Variants in KANK2 observed in about 807,000 individuals in gnomAD.
The protein encoded by KANK2 is KN motif and ankyrin repeat domain-containing protein 2.
In KANK2, 41 loss-of-function variants were observed where a neutral mutation model predicts 74.6. The observed-to-expected ratio is 0.55, with a 90% CI of 0.43 to 0.71. The LOEUF (loss-of-function observed/expected upper bound fraction) is 0.71. Among genes scored for constraint, KANK2 ranks in the 30% least tolerant of loss-of-function variants. The pLI is 0.00. For synonymous variants in KANK2, 537 were observed against 519.0 expected, an observed-to-expected ratio of 1.03 and a Z score of -0.47; for missense variants, 1,148 against 1,196.4, an observed-to-expected ratio of 0.96 and a Z score of 0.60.
chr19:11,192,428 A>ATTCTT, intron 4 of KANK2: 1 of 226,464 alleles, frequency 4.4e-6, no homozygotes, highest in Non-Finnish European at 8.1e-6. Context: ...GGACCTTGGC[A>ATTCTT]TTCTTTTTTT....
intron 2 of KANK2, chr19:11,194,796 CTGCCTGCTTG>C (rs2078969765): frequency 5.4e-6 from 2 of 367,132 alleles, no homozygotes; most frequent in Admixed American, 7.3e-5. Context: ...CCAAACCTCA[CTGCCTGCTTG>C]CACATCTGTC....
In KANK2 at chr19:11,194,971, G is replaced by A. The variant is rs533365993; in HGVS notation, c.-79-381C>T. The A allele has an allele frequency of 1.2e-3, 192 of 164,648 alleles. 1 individual carries two copies. The highest frequency in any genetic ancestry group is 4.3e-3 in the African/African-American group (183 of 42,252). 10.2% of individuals were successfully genotyped at this position (164,648 alleles called of 1,614,324 possible). ...CACACGGAAGGATGGGGGTTGAGGC[G>A]CTAAGGGGTTGGGGAAGAAGGGAAC... On this transcript the variant is annotated intron_variant, in intron 2 of 12. Coordinates refer to ENST00000586659, the MANE Select transcript of KANK2 (RefSeq NM_001136191.3).
At chr19:11,182,856 A>G (rs935650518) in intron 4 of KANK2, among the ~76,000 whole-genome samples, 32 of 148,736 alleles carry the variant, frequency 2.2e-4, no homozygotes, top group African/African-American at 7.5e-4. Context: ...AAAAAAAAAA[A>G]AAAAAAGTAA....
At chr19:11,175,859 G>T in intron 8 of KANK2, 43 bp downstream of exon 8, 3 of 1,483,466 alleles carry the variant, frequency 2.0e-6, no homozygotes, top group Non-Finnish European at 2.8e-6. Context: ...GTGGAGGTAG[G>T]GGTCCGGGGG....
chr19:11,191,935 T>G (rs1600824688), intron 4 of KANK2, among the ~76,000 whole-genome samples: 2 of 152,156 alleles, frequency 1.3e-5, no homozygotes, highest in East Asian at 3.9e-4. Context: ...GGTGCATGCC[T>G]GTAGACCCAG....
At chr19:11,177,421 C>T (rs769717247) in intron 6 of KANK2, among the ~76,000 whole-genome samples, 5 of 152,002 alleles carry the variant, frequency 3.3e-5, no homozygotes, top group Non-Finnish European at 5.9e-5. Flanking sequence ...ATGGTGTAAT[C>T]TCAGTTCACT....
intron 6 of KANK2, 61 bp downstream of exon 6, chr19:11,178,284 C>T (rs546081155): frequency 2.9e-4 from 379 of 1,312,960 alleles, no homozygotes; most frequent in African/African-American, 2.3e-3. Context: ...GGCTCTCGTG[C>T]GTGGATGAAT....
rs545852963 is a variant in KANK2 at position 11,166,719 on chromosome 19, G to A, written c.2503-108C>T. The A allele has an allele frequency of 3.0e-4, 306 of 1,016,302 alleles. 2 individuals carry two copies. The highest frequency in any genetic ancestry group is 2.7e-3 in the Middle Eastern group (13 of 4,904). The allele number at this position is 1,016,302 out of a possible 1,614,324, so 63.0% of individuals were successfully genotyped here. A position where few individuals can be genotyped will look rare whatever the true frequency, so the allele number is the denominator to read the frequency against. The stretch of plus-strand genomic sequence containing the variant: ...TATGATGGGTAAGCAGGAGGGAGGC[G>A]TGGCCCCTGGCCCCAAGGAGGTGGC... On this transcript the variant is annotated intron_variant, in intron 12 of 12. Coordinates refer to ENST00000586659, the MANE Select transcript of KANK2 (RefSeq NM_001136191.3).
intron 10 of KANK2, among the ~76,000 whole-genome samples, chr19:11,171,975 ATTTT>A (rs1359232623): frequency 1.7e-5 from 2 of 115,182 alleles, no homozygotes; most frequent in Non-Finnish European, 3.7e-5. Flanking sequence ...CACCCGGCTA[ATTTT>A]TTTTTTTTTT....
intron 4 of KANK2, among the ~76,000 whole-genome samples, chr19:11,179,963 T>C (rs2078465327): frequency 6.6e-6 from 1 of 152,144 alleles, no homozygotes; most frequent in Non-Finnish European, 1.5e-5. Context: ...CGGATTCAAG[T>C]GATTCTCCTG....
intron 6 of KANK2, 128 bp downstream of exon 6, chr19:11,178,217 T>A: frequency 2.6e-6 from 2 of 770,164 alleles, no homozygotes; most frequent in Non-Finnish European, 3.8e-6. Context: ...ATCTCTGTGT[T>A]GTGGTTTGAT....
In KANK2 at chr19:11,193,382, T is replaced by C. The variant is rs1429177008; in HGVS notation, c.698A>G (p.Gln233Arg). The part of the protein sequence containing the change: ...KRQLTVQLKS[Q>R]KFLGHPTAGR... The stretch of plus-strand genomic sequence containing the variant: ...CGCTGTGGGGTGGCCCAGGAACTTC[T>C]GGCTCTTAAGTTGTACTGTGAGCTG... The change falls in exon 4 of 13, where the codon CAG becomes CGG. Residue 233 changes from glutamine (Q) to arginine (R), a missense_variant. By Grantham distance (43) the Gln-to-Arg change is conservative. Coordinates refer to ENST00000586659, the MANE Select transcript of KANK2 (RefSeq NM_001136191.3). The surrounding 1 kb of genome is among the most constrained non-coding windows in gnomAD (Gnocchi z 9.6). 2.5e-6 allele frequency: 4 copies of C among 1,612,850 alleles called. No homozygotes were observed. The highest frequency in any genetic ancestry group is 3.4e-6 in the Non-Finnish European group (4 of 1,179,986).
At position 11,173,008 on chromosome 19, in the gene KANK2, A is replaced by G; in HGVS notation, c.2184T>C (p.Leu728=). 8 of 1,613,896 alleles carry G rather than the reference A, an allele frequency of 5.0e-6. No individual in the cohort carries two copies. The highest frequency in any genetic ancestry group is 6.8e-6 in the Non-Finnish European group (8 of 1,179,928). Residue 728 remains leucine (L), a synonymous_variant, in exon 10 of 13, where the codon CTT becomes CTC. Coordinates refer to ENST00000586659, the MANE Select transcript of KANK2 (RefSeq NM_001136191.3). ...GGCTGGCTTTGGCATTGATGTTGCC[A>G]AGCCGGAAGAGCTGAAGGACAGTCT... The part of the protein sequence containing the change: ...DIETVLQLFR[L]GNINAKASQA...
chr19:11,180,355 G>A (rs556432934), intron 4 of KANK2, among the ~76,000 whole-genome samples: 41 of 152,060 alleles, frequency 2.7e-4, no homozygotes, highest in Middle Eastern at 3.4e-3. Context: ...TCAGCCTCTC[G>A]CATAGCTGGG....
intron 7 of KANK2, 46 bp from the exon 8 acceptor site, chr19:11,176,035 G>A: frequency 3.4e-6 from 5 of 1,489,378 alleles, no homozygotes; most frequent in South Asian, 1.2e-5. Flanking sequence ...CCCCGCTGCG[G>A]TGCCTGGGAA....
chr19:11,176,952 C>CCACAACCCTGGAATGT, intron 6 of KANK2, 135 bp from the exon 7 acceptor site: 1 of 1,050,098 alleles, frequency 9.5e-7, no homozygotes, highest in Non-Finnish European at 1.3e-6. Flanking sequence ...TATTGACATT[C>CCACAACCCTGGAATGT]CAGGGTTGTG....
In KANK2 at chr19:11,169,573, C is replaced by T. The variant is rs570974999; in HGVS notation, c.2502+304G>A. On this transcript the variant is annotated intron_variant, in intron 12 of 12. Transcript: ENST00000586659. ...ATCCCAGCACTTTGGGAGGCTAAGG[C>T]AGGTGGATCACGAGGTCAGGAGTTT... 1,098 of 522,520 alleles carry T rather than the reference C, an allele frequency of 2.1e-3. 2 individuals carry two copies. The highest frequency in any genetic ancestry group is 3.2e-3 in the Non-Finnish European group (938 of 295,644). 32.4% of individuals were successfully genotyped at this position (522,520 alleles called of 1,614,324 possible). A position where few individuals can be genotyped will look rare whatever the true frequency, so the allele number is the denominator to read the frequency against.
chr19:11,193,355 C>T lies in KANK2; in HGVS notation c.725G>A (p.Gly242Asp), dbSNP rs1228844470. Residue 242 changes from glycine to aspartate, a missense_variant, in exon 4 of 13, where the codon GGC becomes GAC. Transcript: ENST00000586659. The surrounding 1 kb of genome is among the most constrained non-coding windows in gnomAD (Gnocchi z 9.6). ...CAGGCAGAGCTCGCTGCGACCCCGG[C>T]CCGCTGTGGGGTGGCCCAGGAACTT... is the stretch of plus-strand genomic sequence containing the variant. ...SQKFLGHPTA[G>D]RGRSELCLDL... 1.2e-6 allele frequency: 2 copies of T among 1,612,914 alleles called. No individual in the cohort carries two copies. The highest frequency in any genetic ancestry group is 1.7e-6 in the Non-Finnish European group (2 of 1,179,984).
chr19:11,183,780 A>G (rs894006204), intron 4 of KANK2, among the ~76,000 whole-genome samples: 1 of 152,030 alleles, frequency 6.6e-6, no homozygotes, highest in African/African-American at 2.4e-5. Context: ...CCTCCCGAGT[A>G]GCTGGGATTA....
Sources: allele counts gnomAD v4.1 joint callset (sites outside exome capture counted in the v4.1 genomes callset), GRCh38; gene constraint gnomAD v4.1.1; non-coding constraint Gnocchi (gnomAD v3.1); transcripts MANE v1.5; gene names NCBI Gene and HGNC (gene_info 2026-07-23, HGNC 2026-07-21).